The following ERI1 variants were observed in gnomAD, a reference collection of about 807,000 sequenced individuals.
ERI1 encodes the protein 3'-5' exoribonuclease 1.
A neutral mutation model predicts 39.7 loss-of-function variants in ERI1; 39 were observed. The ratio of observed to expected loss-of-function variants is 0.98; its 90% CI spans 0.76 to 1.28. ERI1 has a LOEUF of 1.28. ERI1 is among the 50% of genes most tolerant of loss of function. ERI1 has a pLI of 0.00. For synonymous variants in ERI1, 204 were observed against 149.6 expected, an observed-to-expected ratio of 1.36 and a Z score of -2.65; for missense variants, 581 against 416.9, an observed-to-expected ratio of 1.39 and a Z score of -3.43.
At chr8:9,041,900 G>A (rs1798034372) in intron 3 of ERI1, among the ~76,000 whole-genome samples, 1 of 152,038 alleles carries the variant, frequency 6.6e-6, no homozygotes, top group Admixed American at 6.5e-5. Flanking sequence ...ACGCCCAGCT[G>A]ATTTTGTATT....
At chr8:9,093,669 G>C (rs1799782618) in intron 3 of ERI1, among the ~76,000 whole-genome samples, 1 of 152,194 alleles carries the variant, frequency 6.6e-6, no homozygotes, top group African/African-American at 2.4e-5. Context: ...CTGGGTTCTA[G>C]CAATTCTCCT....
intron 3 of ERI1, among the ~76,000 whole-genome samples, chr8:9,063,731 T>G: frequency 6.6e-6 from 1 of 152,164 alleles, no homozygotes; most frequent in Admixed American, 6.5e-5. Flanking sequence ...ACAACAAGAA[T>G]TATTTAGATC....
chr8:9,007,854 C>G (rs1198131678), intron 1 of ERI1, 116 bp from the exon 2 acceptor site: 11 of 1,416,248 alleles, frequency 7.8e-6, no homozygotes, highest in Non-Finnish European at 1.0e-5. Context: ...TTTCATTGAA[C>G]ATGTAGCATG....
rs1485878284 is a variant in ERI1 at position 9,007,964 on chromosome 8, T to G, written c.109-6T>G. On this transcript the variant is annotated splice_region_variant and splice_polypyrimidine_tract_variant and intron_variant, in intron 1 of 6. Coordinates refer to ENST00000250263, the MANE Select transcript of ERI1 (RefSeq NM_153332.4). ...TTTTTTTTTTTTTTTTTTTTTTTTT[T>G]GGTAGGAAACTCAACAGTGTAAATT... 1.7e-5 allele frequency: 17 copies of G among 977,698 alleles called. No individual in the cohort carries two copies. Among genetic ancestry groups the G allele is most frequent in the Middle Eastern group, 3.5e-4 (1 of 2,880 alleles). 60.6% of individuals were successfully genotyped at this position (977,698 alleles called of 1,614,324 possible).
At chr8:9,096,959 A>G (rs1362146798) in intron 3 of ERI1, 1 of 151,766 alleles carries the variant, frequency 6.6e-6, no homozygotes, top group Admixed American at 6.6e-5. Context: ...GCAGATCCTA[A>G]ATATTGCCTT....
chr8:9,016,939 T>C (rs1817363220), intron 4 of ERI1, among the ~76,000 whole-genome samples: 1 of 152,344 alleles, frequency 6.6e-6, no homozygotes, highest in Admixed American at 6.5e-5. Flanking sequence ...CGCCTCGGCC[T>C]GCCAAAGTGC....
chr8:9,053,805 C>A (rs891174499), intron 3 of ERI1, among the ~76,000 whole-genome samples: 1 of 152,188 alleles, frequency 6.6e-6, no homozygotes, highest in Non-Finnish European at 1.5e-5. Flanking sequence ...ACCCTAAGAA[C>A]TTTGGAGGAA....
intron 3 of ERI1, among the ~76,000 whole-genome samples, chr8:9,039,568 A>C (rs1797953745): frequency 6.6e-6 from 1 of 152,222 alleles, no homozygotes; most frequent in Admixed American, 6.5e-5. Context: ...ATCTGTGGCA[A>C]AAACAAGTTA....
chr8:9,018,484 A>G, intron 5 of ERI1, 78 bp downstream of exon 5: 1 of 822,766 alleles, frequency 1.2e-6, no homozygotes, highest in Non-Finnish European at 1.9e-6. Context: ...GATTTTTAGA[A>G]TAACCACAAA....
downstream of ERI1, among the ~76,000 whole-genome samples, chr8:9,033,696 G>C (rs1797741274): frequency 6.6e-6 from 1 of 152,236 alleles, no homozygotes; most frequent in African/African-American, 2.4e-5. Flanking sequence ...TTGAGGTCCA[G>C]AGCGGTTAAG....
At chr8:9,070,289 C>T (rs532992515) in intron 3 of ERI1, among the ~76,000 whole-genome samples, 2 of 150,680 alleles carry the variant, frequency 1.3e-5, no homozygotes, top group African/African-American at 2.4e-5. Flanking sequence ...TAAAAAATAA[C>T]AAAAATAAAA....
At chr8:9,007,442 CAT>C (rs1816140769) in intron 1 of ERI1, among the ~76,000 whole-genome samples, 1 of 152,114 alleles carries the variant, frequency 6.6e-6, no homozygotes, top group African/African-American at 2.4e-5. Flanking sequence ...TAAATATTAG[CAT>C]ATTGTTTGTG....
intron 3 of ERI1, among the ~76,000 whole-genome samples, chr8:9,097,447 G>C (rs1193850398): frequency 6.6e-6 from 1 of 152,106 alleles, no homozygotes; most frequent in Non-Finnish European, 1.5e-5. Flanking sequence ...TGGATCTCCT[G>C]AGTATCACAG....
intron 3 of ERI1, among the ~76,000 whole-genome samples, chr8:9,052,369 T>A (rs549264895): frequency 2.6e-4 from 40 of 152,284 alleles, no homozygotes; most frequent in African/African-American, 9.4e-4. Context: ...CAGGCGTCTC[T>A]TGCTACCAAA....
chr8:9,059,933 C>G (rs1798637190), intron 3 of ERI1, among the ~76,000 whole-genome samples: 1 of 152,120 alleles, frequency 6.6e-6, no homozygotes, highest in Admixed American at 6.5e-5. Context: ...GAGACTGGGG[C>G]TTAATAAAAA....
chr8:9,040,316 C>T (rs559425686), intron 3 of ERI1, among the ~76,000 whole-genome samples: 2 of 152,164 alleles, frequency 1.3e-5, no homozygotes, highest in Non-Finnish European at 2.9e-5. Context: ...TCCCCTTTTA[C>T]GGAAGTTTAG....
chr8:9,010,489 G>C (rs918526434), intron 2 of ERI1, among the ~76,000 whole-genome samples: 5 of 151,992 alleles, frequency 3.3e-5, no homozygotes, highest in East Asian at 1.9e-4. Context: ...AAGCTAACTG[G>C]TTGATTATTA....
chr8:9,076,746 G>A (rs1179411176), intron 3 of ERI1, among the ~76,000 whole-genome samples: 1 of 152,220 alleles, frequency 6.6e-6, no homozygotes, highest in Non-Finnish European at 1.5e-5. Context: ...TATTTAACAA[G>A]AAGAGAAATC....
intron 3 of ERI1, among the ~76,000 whole-genome samples, chr8:9,053,217 A>G (rs143657325): frequency 0.02 from 3,099 of 152,274 alleles, 113 homozygotes; most frequent in East Asian, 0.18. Context: ...GGGTTTTGCC[A>G]TGTTGGCCCC....
Sources: allele counts gnomAD v4.1 joint callset (sites outside exome capture counted in the v4.1 genomes callset), GRCh38; gene constraint gnomAD v4.1.1; transcripts MANE v1.5; gene names NCBI Gene and HGNC (gene_info 2026-07-23, HGNC 2026-07-21).